ANKLE2: variants seen among roughly 807,000 people sequenced by gnomAD.
ANKLE2 encodes the protein ankyrin repeat and LEM domain-containing protein 2.
In ANKLE2, 55 loss-of-function variants were observed where a neutral mutation model predicts 84.2. The ratio of observed to expected loss-of-function variants is 0.65; its 90% CI spans 0.53 to 0.82. The LOEUF is 0.82. Among genes scored for constraint, ANKLE2 ranks in the 40% least tolerant of loss-of-function variants. The pLI is 0.00. For missense variants in ANKLE2, 1,238 were observed against 1,201.9 expected (o/e 1.03, Z -0.44); for synonymous variants, 551 against 486.1 (o/e 1.13, Z -1.76).
chr12:132,761,648 G>T lies in ANKLE2; in HGVS notation c.151C>A (p.Pro51Thr). The change falls in exon 1 of 13, where the codon CCG becomes ACG. Residue 51 changes from proline (P) to threonine (T), a missense_variant. Physicochemically the swap from Pro to Thr is conservative, Grantham distance 38. Coordinates refer to ENST00000357997, the MANE Select transcript of ANKLE2 (RefSeq NM_015114.3). ...GCGGGGGCGGCGGCCGCGCTTGGCG[G>T]AGGAACTGGGGTCCCGCTGCGGCCC... ...GLGRSGTPVP[P>T]PSAAAAPASG... 1 of 1,271,760 alleles carries T rather than the reference G, an allele frequency of 7.9e-7. No homozygotes were observed. Among genetic ancestry groups the T allele is most frequent in the South Asian group, 2.5e-5 (1 of 39,234 alleles). The allele number at this position is 1,271,760 out of a possible 1,614,324, so 78.8% of individuals were successfully genotyped here. A position where few individuals can be genotyped will look rare whatever the true frequency, so the allele number is the denominator to read the frequency against.
chr12:132,761,554 G>C (rs922798005), intron 1 of ANKLE2, 64 bp downstream of exon 1: 12 of 1,172,556 alleles, frequency 1.0e-5, no homozygotes, highest in Non-Finnish European at 1.3e-5. Flanking sequence ...CCCCAGGCCC[G>C]AGGAGGGCGT....
At chr12:132,742,888 T>C (rs2044161026) in intron 6 of ANKLE2, among the ~76,000 whole-genome samples, 1 of 64,818 alleles carries the variant, frequency 1.5e-5, no homozygotes, top group South Asian at 5.5e-4. Context: ...GATAAAAGAC[T>C]GTGAGCTGTT....
Position 132,729,718 on chromosome 12 carries a change from T to C in ANKLE2, c.2444A>G (p.Glu815Gly), listed in dbSNP as rs1476191091. The change falls in exon 11 of 13, where the codon GAG becomes GGG. Residue 815 changes from glutamate to glycine, a missense_variant. Physicochemically the swap from Glu to Gly is moderately conservative, Grantham distance 98 (BLOSUM62 -2). Transcript: ENST00000357997. ...PSSPRHEDQLEVTREPARRLF... is the reference protein window; with the variant it reads ...PSSPRHEDQLGVTREPARRLF... ...CCGCCTGGCCGGTTCCCTGGTGACC[T>C]CGAGCTGATCCTCGTGCCTGGGGCT... 5.0e-6 allele frequency: 8 copies of C among 1,608,928 alleles called. No homozygotes were observed. The highest frequency in any genetic ancestry group is 5.9e-6 in the Non-Finnish European group (7 of 1,178,890).
intron 5 of ANKLE2, among the ~76,000 whole-genome samples, chr12:132,744,771 C>A (rs906573946): frequency 1.3e-5 from 2 of 152,124 alleles, no homozygotes; most frequent in Non-Finnish European, 2.9e-5. Context: ...AGCTCCGCCT[C>A]CCGGGTTCAC....
In ANKLE2 at chr12:132,748,346, C is replaced by A. The variant is rs1306402732; in HGVS notation, c.848-15G>T. The A allele has an allele frequency of 9.3e-6, 15 of 1,613,634 alleles. No individual in the cohort carries two copies. Among genetic ancestry groups the A allele is most frequent in the Non-Finnish European group, 1.3e-5 (15 of 1,179,734 alleles). On this transcript the variant is annotated splice_polypyrimidine_tract_variant and intron_variant, in intron 3 of 12. Transcript: ENST00000357997. ...GCACAAACCATCTGTCAGTAAGAGA[C>A]AGAATTTAAGAACAATCAGTTTCAC...
chr12:132,757,636 C>T (rs1252095960), intron 1 of ANKLE2: 1 of 152,152 alleles, frequency 6.6e-6, no homozygotes, highest in East Asian at 1.9e-4. Flanking sequence ...TCCTGGCAAA[C>T]ACGGTGAAAC....
chr12:132,735,791 C>T (rs527910502), intron 8 of ANKLE2, among the ~76,000 whole-genome samples: 5 of 152,232 alleles, frequency 3.3e-5, no homozygotes, highest in African/African-American at 1.2e-4. Context: ...CGAGGCCTCA[C>T]CCTGAGGACA....
rs759332189 is a variant in ANKLE2, at chr12:132,728,681, G to A, written c.2484-518C>T. ...AGGCATCTCCCAAGGCCAGGGAGGC[G>A]GATGCAGACTCGCTGTTCTGTGATG... On this transcript the variant is annotated intron_variant, in intron 11 of 12. Transcript: ENST00000357997. 3.3e-4 allele frequency among the ~76,000 whole-genome samples: 50 copies of A among 152,320 alleles called. 1 individual carries two copies. The highest frequency in any genetic ancestry group is 2.0e-3 in the Admixed American group (30 of 15,298).
Position 132,727,215 on chromosome 12 carries a change from G to T in ANKLE2, c.*27C>A. On this transcript the variant is annotated 3_prime_UTR_variant, in exon 13 of 13. Coordinates refer to ENST00000357997, the MANE Select transcript of ANKLE2 (RefSeq NM_015114.3). Reference sequence around the variant, plus strand: ...TGACCCTTCCTTCTTTAAAAATGAAGAACAAACCGAGAGCCCAGCGCCAAG... The same window carrying T: ...TGACCCTTCCTTCTTTAAAAATGAATAACAAACCGAGAGCCCAGCGCCAAG... 1 of 1,512,366 alleles carries T rather than the reference G, an allele frequency of 6.6e-7. No homozygotes were observed. The highest frequency in any genetic ancestry group is 2.5e-5 in the East Asian group (1 of 40,588). The allele number at this position is 1,512,366 out of a possible 1,614,324, so 93.7% of individuals were successfully genotyped here.
rs372992794 is a variant in ANKLE2, at chr12:132,743,262, C to T, written c.1245G>A (p.Pro415=). The change falls in exon 6 of 13, where the codon CCG becomes CCA. Residue 415 remains proline (P), a synonymous_variant. Transcript: ENST00000357997. The surrounding 1 kb of genome is among the most constrained non-coding windows in gnomAD (Gnocchi z 4.1). ...NTPDKMGYDT[P]LHFACKFGNA... ...TTCCAAACTTACAAGCAAAATGCAACGGTGTGTCATAGCCCTGAAAAAAGG... is the reference window on the plus strand; with the variant it reads ...TTCCAAACTTACAAGCAAAATGCAATGGTGTGTCATAGCCCTGAAAAAAGG... 3.7e-5 allele frequency: 59 copies of T among 1,610,814 alleles called. No individual in the cohort carries two copies. Among genetic ancestry groups the T allele is most frequent in the Non-Finnish European group, 2.9e-5 (34 of 1,178,412 alleles).
intron 12 of ANKLE2, 67 bp downstream of exon 12, chr12:132,727,965 G>T: frequency 6.4e-7 from 1 of 1,554,826 alleles, no homozygotes; most frequent in South Asian, 1.2e-5. Context: ...GCATGAAGTG[G>T]AACTGGACCC....
intron 1 of ANKLE2, 76 bp downstream of exon 1, chr12:132,761,542 G>C (rs1247393949): frequency 8.8e-7 from 1 of 1,138,600 alleles, no homozygotes; most frequent in African/African-American, 1.6e-5. Context: ...GCGCGGCCGG[G>C]ACCCCAGGCC....
At chr12:132,735,803 T>C (rs547975639) in intron 8 of ANKLE2, among the ~76,000 whole-genome samples, 2 of 152,328 alleles carry the variant, frequency 1.3e-5, no homozygotes, top group East Asian at 3.9e-4. Flanking sequence ...CTGAGGACAG[T>C]GGACGGCTCG....
At chr12:132,733,980 C>T in intron 10 of ANKLE2, 1 of 459,080 alleles carries the variant, frequency 2.2e-6, no homozygotes, top group Non-Finnish European at 4.4e-6. Context: ...CGACACACAA[C>T]CCATTTAACA....
At chr12:132,758,852 A>C (rs1156938543) in intron 1 of ANKLE2, 1 of 152,072 alleles carries the variant, frequency 6.6e-6, no homozygotes, top group Admixed American at 6.6e-5. Context: ...GGCTTTTCCT[A>C]TTCAGCATAA....
At chr12:132,744,310 T>C (rs1323522687) in intron 5 of ANKLE2, among the ~76,000 whole-genome samples, 1 of 152,222 alleles carries the variant, frequency 6.6e-6, no homozygotes, top group Non-Finnish European at 1.5e-5. Context: ...AGAATTCATT[T>C]ACACCTAGCA....
chr12:132,739,110 G>A (rs1309041121), intron 7 of ANKLE2, among the ~76,000 whole-genome samples: 2 of 152,134 alleles, frequency 1.3e-5, no homozygotes, highest in African/African-American at 2.4e-5. Flanking sequence ...GGTTGAGGGT[G>A]GAGGGAGTGA....
chr12:132,748,116 C>T (rs760036480), intron 4 of ANKLE2, 22 bp downstream of exon 4: 113 of 1,608,834 alleles, frequency 7.0e-5, no homozygotes, highest in Non-Finnish European at 9.2e-5. Context: ...CACACCTGCC[C>T]GAGGGAACCG....
At chr12:132,739,980 T>C (rs1444651529) in intron 7 of ANKLE2, among the ~76,000 whole-genome samples, 1 of 152,228 alleles carries the variant, frequency 6.6e-6, no homozygotes, top group African/African-American at 2.4e-5. Context: ...CGACAGTGTT[T>C]TACTGTCACA....
Sources: gnomAD v4.1 joint callset for allele counts (sites outside exome capture counted in the v4.1 genomes callset) on GRCh38, gnomAD v4.1.1 for gene constraint, Gnocchi (gnomAD v3.1) non-coding constraint, MANE v1.5 for transcripts, NCBI Gene and HGNC (gene_info 2026-07-23, HGNC 2026-07-21) for gene names.